HSD17B12: variants seen among roughly 807,000 people sequenced by gnomAD.
HSD17B12 encodes hydroxysteroid 17-beta dehydrogenase 12.
In HSD17B12, 32 loss-of-function variants were observed where a neutral mutation model predicts 39.3. The ratio of observed to expected loss-of-function variants is 0.81; its 90% confidence interval spans 0.61 to 1.09. The LOEUF (loss-of-function observed/expected upper bound fraction) is 1.09. Among genes scored for constraint, HSD17B12 ranks in the 50% least tolerant of loss-of-function variants. HSD17B12 has a pLI of 0.00. For synonymous variants in HSD17B12, 150 were observed against 146.7 expected (o/e 1.02, Z -0.16); for missense variants, 342 against 382.9 (o/e 0.89, Z 0.89).
intron 1 of HSD17B12, among the ~76,000 whole-genome samples, chr11:43,741,455 T>A (rs1446998007): frequency 1.3e-5 from 2 of 151,070 alleles, no homozygotes; most frequent in South Asian, 2.1e-4. Context: ...CAAAGGACTT[T>A]AAAAAAAAAT....
At chr11:43,656,016 C>T in the HSD17B12 span, among the ~76,000 whole-genome samples, 38 of 152,254 alleles carry the variant, frequency 2.5e-4, no homozygotes, top group Admixed American at 6.5e-4. Flanking sequence ...TAGAATTTGG[C>T]GGTGAATCCA....
At chr11:43,653,823 C>T in the HSD17B12 span, among the ~76,000 whole-genome samples, 397 of 152,206 alleles carry the variant, frequency 2.6e-3, 2 homozygotes, top group African/African-American at 8.6e-3. Flanking sequence ...GGCTTGGTTC[C>T]AAGTCTTTGC....
intron 6 of HSD17B12, among the ~76,000 whole-genome samples, chr11:43,817,188 A>T (rs997972597): frequency 5.3e-5 from 8 of 151,194 alleles, no homozygotes; most frequent in African/African-American, 1.9e-4. Context: ...TTTTCATGGG[A>T]TTATTTGCTT....
the HSD17B12 span, among the ~76,000 whole-genome samples, chr11:43,672,081 C>T: frequency 6.6e-6 from 1 of 152,150 alleles, no homozygotes; most frequent in African/African-American, 2.4e-5. Flanking sequence ...CCGAGTCTCG[C>T]TCTGTCGCCC....
At chr11:43,776,619 AT>A (rs1375050041) in intron 3 of HSD17B12, among the ~76,000 whole-genome samples, 1 of 151,990 alleles carries the variant, frequency 6.6e-6, no homozygotes, top group African/African-American at 2.4e-5. Context: ...ATTAGATCCT[AT>A]TTGTTGATTT....
chr11:43,840,538 C>T (rs1033242651), intron 9 of HSD17B12, among the ~76,000 whole-genome samples: 5 of 152,006 alleles, frequency 3.3e-5, no homozygotes, highest in African/African-American at 1.2e-4. Context: ...ACATGAACTC[C>T]CCATTTCCCC....
intron 1 of HSD17B12, among the ~76,000 whole-genome samples, chr11:43,730,323 CT>C (rs1950257153): frequency 6.6e-6 from 1 of 152,128 alleles, no homozygotes; most frequent in Admixed American, 6.5e-5. Context: ...TATGAAGCCC[CT>C]TTAAAAAGAT....
chr11:43,852,825 C>T (rs1469399754), intron 9 of HSD17B12: 1 of 152,058 alleles, frequency 6.6e-6, no homozygotes, highest in Non-Finnish European at 1.5e-5. Flanking sequence ...CAAAAGTTAC[C>T]TAATCAAAGT....
chr11:43,584,694 C>T, the HSD17B12 span: 1 of 152,250 alleles, frequency 6.6e-6, no homozygotes, highest in African/African-American at 2.4e-5. Flanking sequence ...AAGATGTCAG[C>T]CCATGGTTTC....
intron 1 of HSD17B12, among the ~76,000 whole-genome samples, chr11:43,715,882 G>A (rs1950117922): frequency 6.6e-6 from 1 of 152,076 alleles, no homozygotes; most frequent in Admixed American, 6.6e-5. Context: ...GGACTGCACT[G>A]ATTTTAAGTC....
At chr11:43,816,786 G>A (rs1951127290) in intron 6 of HSD17B12, among the ~76,000 whole-genome samples, 1 of 151,616 alleles carries the variant, frequency 6.6e-6, no homozygotes, top group Non-Finnish European at 1.5e-5. Flanking sequence ...CTTTTCCTGA[G>A]TCCCCGAAGT....
chr11:43,799,746 C>T (rs1004408457), intron 4 of HSD17B12, among the ~76,000 whole-genome samples: 3 of 152,202 alleles, frequency 2.0e-5, no homozygotes. Flanking sequence ...AAAGACCCCA[C>T]TTCCCTTTCT....
chr11:43,681,223 C>G (rs527404167), intron 1 of HSD17B12: 4 of 1,237,614 alleles, frequency 3.2e-6, no homozygotes, highest in Non-Finnish European at 4.2e-6. Flanking sequence ...GGAATCTAAG[C>G]TCAGCTTAGG....
chr11:43,731,828 G>C (rs1362352022), intron 1 of HSD17B12, among the ~76,000 whole-genome samples: 1 of 152,102 alleles, frequency 6.6e-6, no homozygotes, highest in Non-Finnish European at 1.5e-5. Flanking sequence ...GTGCAATTGA[G>C]CTTCAGACCT....
chr11:43,762,622 C>G (rs2134968265), intron 3 of HSD17B12, among the ~76,000 whole-genome samples: 1 of 152,174 alleles, frequency 6.6e-6, no homozygotes, highest in Admixed American at 6.5e-5. Flanking sequence ...GAATGGAATC[C>G]CCTAGTGGGA....
chr11:43,703,297 C>A (rs1428717740), intron 1 of HSD17B12, among the ~76,000 whole-genome samples: 3 of 151,730 alleles, frequency 2.0e-5, no homozygotes, highest in East Asian at 3.9e-4. Flanking sequence ...CGGGTTCACG[C>A]CATTCTCCTG....
intron 3 of HSD17B12, among the ~76,000 whole-genome samples, chr11:43,786,111 C>T (rs1192688783): frequency 6.6e-6 from 1 of 152,090 alleles, no homozygotes; most frequent in Non-Finnish European, 1.5e-5. Context: ...ATATGCCTGC[C>T]AAATTCAAAT....
chr11:43,707,521 A>G (rs140647266), intron 1 of HSD17B12, among the ~76,000 whole-genome samples: 3 of 152,206 alleles, frequency 2.0e-5, no homozygotes, highest in East Asian at 3.9e-4. Flanking sequence ...TGCCTAGAAT[A>G]CTCTTCTGAG....
At chr11:43,669,239 G>A in the HSD17B12 span, among the ~76,000 whole-genome samples, 6 of 152,104 alleles carry the variant, frequency 3.9e-5, no homozygotes, top group East Asian at 1.9e-4. Flanking sequence ...GGTGGCTCAC[G>A]TCTGTAATCC....
Sources: gnomAD v4.1 joint callset for allele counts (sites outside exome capture counted in the v4.1 genomes callset) on GRCh38, gnomAD v4.1.1 for gene constraint, MANE v1.5 for transcripts, NCBI Gene and HGNC (gene_info 2026-07-23, HGNC 2026-07-21) for gene names.